UTRN: variants seen among roughly 807,000 people sequenced by gnomAD.
UTRN encodes utrophin, also known as dystrophin-related protein 1.
Under a neutral mutation model 463.9 loss-of-function variants are expected in UTRN, and 283 were observed. That is an observed-to-expected ratio of 0.61 (90% CI 0.55 to 0.67). The LOEUF (loss-of-function observed/expected upper bound fraction) is 0.67, where lower values mean the gene tolerates loss of function less well. Among genes scored for constraint, UTRN ranks in the 30% least tolerant of loss-of-function variants. UTRN has a pLI of 0.00. For synonymous variants in UTRN, 1,442 were observed against 1,431.5 expected (o/e 1.01, Z -0.17); for missense variants, 3,922 against 4,084.3 (o/e 0.96, Z 1.08).
intron 2 of UTRN, among the ~76,000 whole-genome samples, chr6:144,305,744 A>G (rs1805674485): frequency 1.3e-5 from 2 of 152,140 alleles, no homozygotes; most frequent in South Asian, 4.1e-4. Flanking sequence ...CTTTGCCTTG[A>G]CCAGTAGGCT....
At chr6:144,810,188 G>A (rs1405680291) in intron 65 of UTRN, among the ~76,000 whole-genome samples, 3 of 152,150 alleles carry the variant, frequency 2.0e-5, no homozygotes, top group East Asian at 1.9e-4. Context: ...CTCAAATAAG[G>A]GTCTTATGAC....
intron 52 of UTRN, among the ~76,000 whole-genome samples, chr6:144,689,594 C>T (rs1783110651): frequency 6.6e-6 from 1 of 152,186 alleles, no homozygotes; most frequent in Non-Finnish European, 1.5e-5. Context: ...TTTGGACTGC[C>T]ACAGTCCAGG....
chr6:144,720,956 A>G (rs9390201), intron 53 of UTRN, among the ~76,000 whole-genome samples: 56,915 of 152,038 alleles, frequency 0.37, 12,860 homozygotes, highest in East Asian at 0.87. Context: ...CTTATGCCTA[A>G]CGTATTTTTA....
intron 66 of UTRN, among the ~76,000 whole-genome samples, chr6:144,825,585 T>C (rs950742638): frequency 8.5e-5 from 13 of 152,288 alleles, no homozygotes; most frequent in Admixed American, 3.9e-4. Context: ...GGATCACTTT[T>C]GTGCTAACTG....
chr6:144,620,298 C>T (rs1054682029), intron 51 of UTRN, among the ~76,000 whole-genome samples: 3 of 152,112 alleles, frequency 2.0e-5, no homozygotes, highest in African/African-American at 4.8e-5. Flanking sequence ...TGCTCCAGAG[C>T]GGGTTCCTTT....
intron 2 of UTRN, among the ~76,000 whole-genome samples, chr6:144,340,047 A>T (rs545339222): frequency 6.6e-6 from 1 of 152,272 alleles, no homozygotes; most frequent in South Asian, 2.1e-4. Context: ...CCCACCCATA[A>T]TCCCAGCTAC....
intron 2 of UTRN, among the ~76,000 whole-genome samples, chr6:144,323,605 A>G (rs1202263898): frequency 6.6e-6 from 1 of 152,240 alleles, no homozygotes; most frequent in Middle Eastern, 3.2e-3. Flanking sequence ...TCTCAAAAAC[A>G]TTAAGGTTTA....
intron 66 of UTRN, among the ~76,000 whole-genome samples, chr6:144,822,937 C>T (rs73596534): frequency 1.0e-3 from 153 of 152,204 alleles, no homozygotes; most frequent in African/African-American, 3.3e-3. Context: ...AATATCTACA[C>T]GCTTTACAGG....
chr6:144,461,986 G>A (rs1019455543), intron 22 of UTRN, among the ~76,000 whole-genome samples: 2 of 152,050 alleles, frequency 1.3e-5, no homozygotes, highest in East Asian at 3.9e-4. Context: ...GTAAACGTGT[G>A]TCATGGTAGT....
intron 2 of UTRN, among the ~76,000 whole-genome samples, chr6:144,390,812 A>G (rs1781840931): frequency 1.3e-5 from 2 of 152,190 alleles, no homozygotes; most frequent in Admixed American, 1.3e-4. Flanking sequence ...TACCTGATAT[A>G]TTAGTTATAA....
chr6:144,499,105 T>C, intron 33 of UTRN, 152 bp from the exon 34 acceptor site: 1 of 755,898 alleles, frequency 1.3e-6, no homozygotes, highest in Non-Finnish European at 2.0e-6. Context: ...AAATGCAAGC[T>C]TAGAGGATTC....
intron 44 of UTRN, among the ~76,000 whole-genome samples, chr6:144,538,543 G>A (rs182773063): frequency 4.6e-5 from 7 of 151,914 alleles, no homozygotes; most frequent in South Asian, 2.1e-4. Context: ...GGTGGCAGGC[G>A]CATGTAGTCT....
At chr6:144,659,942 C>A in intron 51 of UTRN, 2 of 267,542 alleles carry the variant, frequency 7.5e-6, no homozygotes, top group East Asian at 8.3e-5. Context: ...AAAGAGGAGA[C>A]CATGCCAGCC....
intron 34 of UTRN, 125 bp from the exon 35 acceptor site, chr6:144,510,819 A>G (rs1462748721): frequency 3.9e-6 from 3 of 774,952 alleles, no homozygotes; most frequent in Admixed American, 4.1e-5. Flanking sequence ...TTGACATTGT[A>G]AATTATATAG....
chr6:144,705,615 C>T (rs969872654), intron 53 of UTRN, among the ~76,000 whole-genome samples: 1 of 152,126 alleles, frequency 6.6e-6, no homozygotes, highest in African/African-American at 2.4e-5. Flanking sequence ...CAAAGACCCA[C>T]CTCCCAATAC....
In UTRN at chr6:144,700,100, G is replaced by A; in HGVS notation, c.7666G>A (p.Ala2556Thr). ...KSASIRAHLEASAEKWNRLLM... is the reference protein window; with the variant it reads ...KSASIRAHLETSAEKWNRLLM... ...ATCTCTCAACAGGGCCCATTTGGAGGCCAGCGCTGAGAAGTGGAACAGGTT... is the reference window on the plus strand; with the variant it reads ...ATCTCTCAACAGGGCCCATTTGGAGACCAGCGCTGAGAAGTGGAACAGGTT... Residue 2556 changes from alanine to threonine, a missense_variant, in exon 53 of 75, where the codon GCC (alanine) becomes ACC (threonine). This residue lies in a region of UTRN where 1,309 missense variants were observed against 1,452.6 expected (regional missense o/e 0.90). Coordinates refer to ENST00000367545, the MANE Select transcript of UTRN (RefSeq NM_007124.3). 1 of 1,602,720 alleles carries A rather than the reference G, an allele frequency of 6.2e-7. No homozygotes were observed. Among genetic ancestry groups the A allele is most frequent in the Non-Finnish European group, 8.5e-7 (1 of 1,172,760 alleles).
chr6:144,333,997 G>T (rs1776528760), intron 2 of UTRN, among the ~76,000 whole-genome samples: 1 of 152,176 alleles, frequency 6.6e-6, no homozygotes, highest in African/African-American at 2.4e-5. Flanking sequence ...TCGATGCTAA[G>T]ATTATTTTCA....
chr6:144,546,279 A>G (rs375297010), intron 46 of UTRN, among the ~76,000 whole-genome samples: 26 of 152,036 alleles, frequency 1.7e-4, no homozygotes, highest in South Asian at 1.0e-3. Context: ...GCTGTGTGTA[A>G]TGGGTTCTTA....
At chr6:144,707,318 GA>G (rs527483869) in intron 53 of UTRN, among the ~76,000 whole-genome samples, 87 of 152,100 alleles carry the variant, frequency 5.7e-4, no homozygotes, top group African/African-American at 2.0e-3. Flanking sequence ...TTATTAGAGA[GA>G]AAAAAACCTA....
Sources: gnomAD v4.1 joint callset for allele counts (sites outside exome capture counted in the v4.1 genomes callset) on GRCh38, gnomAD v4.1.1 for gene constraint, gnomAD v4.1.1 regional missense constraint, MANE v1.5 for transcripts, NCBI Gene and HGNC (gene_info 2026-07-23, HGNC 2026-07-21) for gene names.